The following CELF2 variants were observed in gnomAD, a reference collection of about 807,000 sequenced individuals.
CELF2 encodes the protein CUGBP Elav-like family member 2.
A neutral mutation model predicts 62.6 loss-of-function variants in CELF2; 8 were observed. That is an observed-to-expected ratio of 0.13 (90% CI 0.07 to 0.23). The LOEUF (loss-of-function observed/expected upper bound fraction) is 0.23, where lower values mean the gene tolerates loss of function less well. Among genes scored for constraint, CELF2 ranks in the 10% least tolerant of loss-of-function variants. CELF2 has a pLI of 1.00. For missense variants in CELF2, 333 were observed against 671.0 expected, an observed-to-expected ratio of 0.50 and a Z score of 5.56; for synonymous variants, 258 against 250.0, an observed-to-expected ratio of 1.03 and a Z score of -0.30.
At chr10:11,144,118 A>AT (rs2061822144) in intron 1 of CELF2, among the ~76,000 whole-genome samples, 1 of 152,102 alleles carries the variant, frequency 6.6e-6, no homozygotes, top group Non-Finnish European at 1.5e-5. Context: ...AAAATGCCGC[A>AT]TTTCATAATG....
In CELF2 at chr10:11,117,636, T is replaced by A. The variant is rs992146910; in HGVS notation, c.75-47850T>A. On this transcript the variant is annotated intron_variant, in intron 1 of 12. Coordinates refer to ENST00000633077, the MANE Select transcript of CELF2 (RefSeq NM_001326342.2). The surrounding 1 kb of genome is among the most constrained non-coding windows in gnomAD (Gnocchi z 4.1). Reference sequence around the variant, plus strand: ...TGATGGTATCATGACATGAATATGATCCTTGCTGACATTAAAATGGAGCAG... The same window carrying A: ...TGATGGTATCATGACATGAATATGAACCTTGCTGACATTAAAATGGAGCAG... Among the ~76,000 whole-genome samples, 2 of 152,210 alleles carry A rather than the reference T, an allele frequency of 1.3e-5. No homozygotes were observed. The highest frequency in any genetic ancestry group is 2.1e-4 in the South Asian group (1 of 4,834).
intron 2 of CELF2, among the ~76,000 whole-genome samples, chr10:11,203,262 A>T (rs1171568613): frequency 1.3e-5 from 2 of 152,050 alleles, no homozygotes; most frequent in Non-Finnish European, 2.9e-5. Flanking sequence ...GTTTTTTGTT[A>T]TCCTGAAATC....
intron 1 of CELF2, among the ~76,000 whole-genome samples, chr10:11,138,578 G>A (rs994700307): frequency 1.3e-5 from 2 of 152,212 alleles, no homozygotes; most frequent in Admixed American, 1.3e-4. Flanking sequence ...AACTCGCAAA[G>A]AATTTATCAT....
At chr10:10,675,972 A>G in the CELF2 span, among the ~76,000 whole-genome samples, 9 of 152,274 alleles carry the variant, frequency 5.9e-5, no homozygotes, top group East Asian at 1.5e-3. Context: ...TGCTTGCTGT[A>G]TCTCTTCAAA....
chr10:10,594,331 G>A, the CELF2 span, among the ~76,000 whole-genome samples: 1 of 152,174 alleles, frequency 6.6e-6, no homozygotes, highest in African/African-American at 2.4e-5. Context: ...ATTTCTATGA[G>A]AGGTAAGTTT....
At chr10:10,600,696 A>G in the CELF2 span, among the ~76,000 whole-genome samples, 20,006 of 152,274 alleles carry the variant, frequency 0.13, 1,584 homozygotes, top group Non-Finnish European at 0.19. Context: ...AAAGTTGAGC[A>G]GAAGTTTTTC....
chr10:11,299,235 A>G (rs1279535924), intron 9 of CELF2, among the ~76,000 whole-genome samples: 2 of 152,214 alleles, frequency 1.3e-5, no homozygotes, highest in Non-Finnish European at 2.9e-5. Flanking sequence ...GTTGGTTTGT[A>G]TCTCGGGCCA....
intron 9 of CELF2, among the ~76,000 whole-genome samples, chr10:11,301,864 G>A (rs954532380): frequency 5.9e-5 from 9 of 152,022 alleles, no homozygotes; most frequent in South Asian, 2.1e-4. Flanking sequence ...GTTAGGCCGC[G>A]GGAGGTGGAG....
the CELF2 span, among the ~76,000 whole-genome samples, chr10:10,755,830 G>A: frequency 6.6e-6 from 1 of 152,064 alleles, no homozygotes; most frequent in Non-Finnish European, 1.5e-5. Flanking sequence ...GTGTTTTCTT[G>A]GGAAGAAGAA....
intron 7 of CELF2, among the ~76,000 whole-genome samples, chr10:11,271,651 A>G (rs1228504590): frequency 6.6e-6 from 1 of 152,166 alleles, no homozygotes; most frequent in Admixed American, 6.5e-5. Flanking sequence ...GCTGGACTTC[A>G]CATTTATTAA....
At chr10:11,050,190 G>A (rs148882066) in intron 1 of CELF2, among the ~76,000 whole-genome samples, 1 of 152,338 alleles carries the variant, frequency 6.6e-6, no homozygotes, top group Non-Finnish European at 1.5e-5. Flanking sequence ...CACAGAAAAT[G>A]TGGCGTTCTA....
chr10:11,126,137 G>A (rs906025614), intron 1 of CELF2, among the ~76,000 whole-genome samples: 1 of 152,246 alleles, frequency 6.6e-6, no homozygotes, highest in Admixed American at 6.5e-5. Flanking sequence ...AAGTAAGGAT[G>A]AGTTCATTTA....
At chr10:10,770,681 C>T in the CELF2 span, among the ~76,000 whole-genome samples, 1 of 152,086 alleles carries the variant, frequency 6.6e-6, no homozygotes, top group South Asian at 2.1e-4. Flanking sequence ...CACCCCAGGC[C>T]CCATTTAGTA....
chr10:11,275,851 G>A (rs530405622), intron 8 of CELF2, among the ~76,000 whole-genome samples: 30 of 152,272 alleles, frequency 2.0e-4, no homozygotes, highest in African/African-American at 7.2e-4. Flanking sequence ...ACGGGGCCAG[G>A]GAAGGCAGCG....
At chr10:10,655,326 C>T in the CELF2 span, among the ~76,000 whole-genome samples, 1 of 128,514 alleles carries the variant, frequency 7.8e-6, no homozygotes, top group East Asian at 2.0e-4. Context: ...AATGCCATCC[C>T]CATCAAGCTA....
rs73573707 is a variant in CELF2 at position 11,039,705 on chromosome 10, C to G, written c.74+21542C>G. On this transcript the variant is annotated intron_variant, in intron 1 of 12. Coordinates refer to ENST00000633077, the MANE Select transcript of CELF2 (RefSeq NM_001326342.2). The surrounding 1 kb of genome is among the most constrained non-coding windows in gnomAD (Gnocchi z 4.1). Reference sequence around the variant, plus strand: ...ATAATTTTGATCATTGAACCAGGAACATTATGTACCAGTTTTTAAGGCTAG... The same window carrying G: ...ATAATTTTGATCATTGAACCAGGAAGATTATGTACCAGTTTTTAAGGCTAG... Among the ~76,000 whole-genome samples the G allele has an allele frequency of 0.016, 2,405 of 152,252 alleles. 71 individuals carry two copies. The highest frequency in any genetic ancestry group is 0.055 in the African/African-American group (2,275 of 41,526).
chr10:11,028,596 T>C (rs562501272), intron 1 of CELF2, among the ~76,000 whole-genome samples: 1 of 151,594 alleles, frequency 6.6e-6, no homozygotes, highest in African/African-American at 2.4e-5. Context: ...ATTTTTTGTA[T>C]TTTTAGTAAA....
rs2095217553 is a variant in CELF2 at position 11,318,532 on chromosome 10, G to A, written c.1097-2657G>A. On this transcript the variant is annotated intron_variant, in intron 10 of 12. Transcript: ENST00000633077. This position sits in a 1 kb window ranked among gnomAD's most constrained non-coding sequence, Gnocchi z 5.4. The stretch of plus-strand genomic sequence containing the variant: ...CCAGAAAGCAGATTAGCTCTGAGGT[G>A]TAGTCCAGAGACACAGCCAGCCTCT... 2 of 359,936 alleles carry A rather than the reference G, an allele frequency of 5.6e-6. No homozygotes were observed. Among genetic ancestry groups the A allele is most frequent in the Admixed American group, 3.8e-5 (1 of 26,324 alleles). 22.3% of individuals were successfully genotyped at this position (359,936 alleles called of 1,614,324 possible). A position where few individuals can be genotyped will look rare whatever the true frequency, so the allele number is the denominator to read the frequency against.
rs1307654880 is a variant in CELF2 at position 11,156,502 on chromosome 10, CA to C, written c.75-8980del. Reference sequence around the variant, plus strand: ...CCCTGCATGCTTTATTTGTCTCTGTCAAAACGGTCTTTTTAATCGATAAGGC... The same window carrying C: ...CCCTGCATGCTTTATTTGTCTCTGTCAAACGGTCTTTTTAATCGATAAGGC... On this transcript the variant is annotated intron_variant, in intron 1 of 12. Coordinates refer to ENST00000633077, the MANE Select transcript of CELF2 (RefSeq NM_001326342.2). This position sits in a 1 kb window ranked among gnomAD's most constrained non-coding sequence, Gnocchi z 4.3. Among the ~76,000 whole-genome samples the C allele has an allele frequency of 2.0e-5, 3 of 152,126 alleles. No homozygotes were observed. Among genetic ancestry groups the C allele is most frequent in the Non-Finnish European group, 4.4e-5 (3 of 68,028 alleles).
Sources: allele counts gnomAD v4.1 joint callset (sites outside exome capture counted in the v4.1 genomes callset), GRCh38; gene constraint gnomAD v4.1.1; non-coding constraint Gnocchi (gnomAD v3.1); transcripts MANE v1.5; gene names NCBI Gene and HGNC (gene_info 2026-07-23, HGNC 2026-07-21).